Variants in EXOC6B observed in about 807,000 individuals in gnomAD.
EXOC6B encodes the protein exocyst complex component 6B.
EXOC6B carries 54 observed loss-of-function variants against 113.5 expected under a neutral mutation model. The observed-to-expected ratio is 0.48, with a 90% CI of 0.38 to 0.60. EXOC6B has a LOEUF of 0.60. EXOC6B is among the 20% of genes least tolerant of loss of function. The pLI, the probability that EXOC6B is intolerant of heterozygous loss-of-function variation, is 0.00. For missense variants in EXOC6B, 797 were observed against 977.5 expected, an observed-to-expected ratio of 0.82 and a Z score of 2.46; for synonymous variants, 357 against 339.0, an observed-to-expected ratio of 1.05 and a Z score of -0.58.
intron 18 of EXOC6B, among the ~76,000 whole-genome samples, chr2:72,429,719 G>T (rs1695413335): frequency 6.6e-6 from 1 of 152,150 alleles, no homozygotes; most frequent in Non-Finnish European, 1.5e-5. Context: ...AACACTACTG[G>T]CACTGAATAT....
intron 19 of EXOC6B, among the ~76,000 whole-genome samples, chr2:72,356,350 G>T (rs1312203339): frequency 2.6e-5 from 4 of 152,088 alleles, no homozygotes; most frequent in Non-Finnish European, 5.9e-5. Context: ...ATCTTAACTA[G>T]ACAGTTTGAT....
At position 72,265,239 on chromosome 2, in the gene EXOC6B, TTTATTATTA is replaced by T. The variant is rs58637794; in HGVS notation, c.2196+69699_2196+69707del. ...AGCAAAGGTGACTCTTAACTATTCT[TTTATTATTA>T]TTATTATTATTATTATTATTATACT... On this transcript the variant is annotated intron_variant, in intron 20 of 21. Coordinates refer to ENST00000272427, the MANE Select transcript of EXOC6B (RefSeq NM_015189.3). Among the ~76,000 whole-genome samples, 113 of 146,866 alleles carry T rather than the reference TTTATTATTA, an allele frequency of 7.7e-4. 1 individual carries two copies. Among genetic ancestry groups the T allele is most frequent in the African/African-American group, 2.2e-3 (88 of 39,444 alleles).
At chr2:72,799,239 C>CAAAAAA (rs956224881) in intron 1 of EXOC6B, among the ~76,000 whole-genome samples, 18 of 41,140 alleles carry the variant, frequency 4.4e-4, no homozygotes, top group South Asian at 1.5e-3. Context: ...GACCCTGTCT[C>CAAAAAA]AAAAAAAAAA....
At chr2:72,669,886 G>A (rs1675672783) in intron 6 of EXOC6B, among the ~76,000 whole-genome samples, 1 of 152,172 alleles carries the variant, frequency 6.6e-6, no homozygotes. Flanking sequence ...ATTCATGTAA[G>A]TCAAAAGAAA....
intron 20 of EXOC6B, among the ~76,000 whole-genome samples, chr2:72,292,761 A>G (rs1685884245): frequency 6.6e-6 from 1 of 152,202 alleles, no homozygotes; most frequent in South Asian, 2.1e-4. Flanking sequence ...CACTTACAGA[A>G]TGTTATATAA....
At chr2:72,338,552 T>G (rs531174925) in intron 19 of EXOC6B, among the ~76,000 whole-genome samples, 2 of 152,272 alleles carry the variant, frequency 1.3e-5, no homozygotes, top group South Asian at 4.2e-4. Context: ...ATAGCAATTT[T>G]CATTAGTATT....
At chr2:72,265,180 C>G (rs1235333139) in intron 20 of EXOC6B, among the ~76,000 whole-genome samples, 1 of 151,832 alleles carries the variant, frequency 6.6e-6, no homozygotes, top group East Asian at 1.9e-4. Context: ...CTGAGATGGT[C>G]TCAGATGGAG....
In EXOC6B at chr2:72,460,823, A is replaced by G. The variant is rs1357562433; in HGVS notation, c.1980+4337T>C. On this transcript the variant is annotated intron_variant, in intron 18 of 21. Coordinates refer to ENST00000272427, the MANE Select transcript of EXOC6B (RefSeq NM_015189.3). The stretch of plus-strand genomic sequence containing the variant: ...GGTGATTCCTCAGGGATCTAGAACT[A>G]GAAATACCATTTGACCCAGCCATCC... Among the ~76,000 whole-genome samples, 39 of 151,968 alleles carry G rather than the reference A, an allele frequency of 2.6e-4. No individual in the cohort carries two copies. The East Asian group carries it at 5.8e-3, about 23-fold the overall frequency.
intron 8 of EXOC6B, among the ~76,000 whole-genome samples, chr2:72,529,859 G>C (rs1314784312): frequency 6.6e-6 from 1 of 152,142 alleles, no homozygotes; most frequent in Non-Finnish European, 1.5e-5. Context: ...GTGATAGTTT[G>C]TGTTTTTCAG....
At chr2:72,748,389 C>G (rs940913722) in intron 1 of EXOC6B, among the ~76,000 whole-genome samples, 6 of 151,986 alleles carry the variant, frequency 3.9e-5, no homozygotes, top group Non-Finnish European at 2.9e-5. Context: ...GAAAGAGAAA[C>G]TGCAGGAGGT....
At chr2:72,764,223 T>C (rs974501850) in intron 1 of EXOC6B, among the ~76,000 whole-genome samples, 14 of 152,112 alleles carry the variant, frequency 9.2e-5, no homozygotes, top group Non-Finnish European at 1.5e-5. Context: ...TCAATACTTA[T>C]ATACCCCTTT....
intron 19 of EXOC6B, among the ~76,000 whole-genome samples, chr2:72,349,106 C>A (rs1355586261): frequency 6.6e-6 from 1 of 152,080 alleles, no homozygotes; most frequent in Non-Finnish European, 1.5e-5. Context: ...TGACCCTAGG[C>A]CAAACATGTA....
chr2:72,679,704 G>T lies in EXOC6B; in HGVS notation c.669+38399C>A, dbSNP rs547805407. 9.9e-5 allele frequency among the ~76,000 whole-genome samples: 15 copies of T among 152,244 alleles called. No homozygotes were observed. The South Asian group carries it at 2.5e-3, about 25-fold the overall frequency. The stretch of plus-strand genomic sequence containing the variant: ...GAGAAAATATTCTCCGAAGAAAACA[G>T]AAAAGAGGAAATATAAAATTGTTAA... On this transcript the variant is annotated intron_variant, in intron 6 of 21. Coordinates refer to ENST00000272427, the MANE Select transcript of EXOC6B (RefSeq NM_015189.3).
intron 18 of EXOC6B, among the ~76,000 whole-genome samples, chr2:72,412,525 G>A (rs1204187371): frequency 6.6e-6 from 1 of 152,124 alleles, no homozygotes; most frequent in East Asian, 1.9e-4. Context: ...CTGCTATTAA[G>A]AGAATGTCTG....
intron 19 of EXOC6B, among the ~76,000 whole-genome samples, chr2:72,356,286 A>G (rs1689967844): frequency 6.6e-6 from 1 of 152,190 alleles, no homozygotes; most frequent in Non-Finnish European, 1.5e-5. Context: ...TACTATGGCA[A>G]CTCTGATCTC....
chr2:72,276,963 A>G lies in EXOC6B; in HGVS notation c.2196+57984T>C, dbSNP rs148444637. 7.9e-5 allele frequency among the ~76,000 whole-genome samples: 12 copies of G among 152,220 alleles called. No homozygotes were observed. The East Asian group carries it at 2.1e-3, about 27-fold the overall frequency. On this transcript the variant is annotated intron_variant, in intron 20 of 21. Transcript: ENST00000272427. ...GTCAATCTTCTTTGATAAAACGACA[A>G]TTTCTATACTGTTCACTCATTCCTT...
chr2:72,236,260 C>T (rs1224419033), intron 20 of EXOC6B, among the ~76,000 whole-genome samples: 1 of 152,122 alleles, frequency 6.6e-6, no homozygotes, highest in Non-Finnish European at 1.5e-5. Context: ...CACATGGCAG[C>T]TGGAGAATAG....
At chr2:72,741,259 C>T (rs967007558) in intron 2 of EXOC6B, 45 bp downstream of exon 2, 11 of 1,566,354 alleles carry the variant, frequency 7.0e-6, no homozygotes, top group African/African-American at 1.4e-5. Context: ...CTAATCAAAA[C>T]CCCAACACAG....
intron 20 of EXOC6B, among the ~76,000 whole-genome samples, chr2:72,224,393 T>C (rs943754717): frequency 1.3e-5 from 2 of 152,112 alleles, no homozygotes; most frequent in Non-Finnish European, 2.9e-5. Flanking sequence ...CTGAAGGGAA[T>C]CATCTACTAG....
Sources: allele counts gnomAD v4.1 joint callset (sites outside exome capture counted in the v4.1 genomes callset), GRCh38; gene constraint gnomAD v4.1.1; transcripts MANE v1.5; gene names NCBI Gene and HGNC (gene_info 2026-07-23, HGNC 2026-07-21).